GAS2: variants seen among roughly 807,000 people sequenced by gnomAD.
GAS2 encodes the protein growth arrest specific 2, also known as growth arrest-specific protein 2.
GAS2 carries 20 observed loss-of-function variants against 37.5 expected under a neutral mutation model. The observed-to-expected ratio is 0.53, with a 90% CI of 0.37 to 0.77. GAS2 has a LOEUF of 0.77. Among genes scored for constraint, GAS2 ranks in the 30% least tolerant of loss-of-function variants. The pLI is 0.00. For missense variants in GAS2, 336 were observed against 373.4 expected (o/e 0.90, Z 0.82); for synonymous variants, 144 against 132.2 (o/e 1.09, Z -0.61).
At chr11:22,777,991 C>A (rs1855350103) in intron 7 of GAS2, among the ~76,000 whole-genome samples, 1 of 152,038 alleles carries the variant, frequency 6.6e-6, no homozygotes, top group Admixed American at 6.5e-5. Flanking sequence ...AAATGATGAA[C>A]AATGTTAGTG....
At position 22,778,833 on chromosome 11, in the gene GAS2, A is replaced by G. The variant is rs924746260; in HGVS notation, c.723+22880A>G. Among the ~76,000 whole-genome samples, 6 of 152,322 alleles carry G rather than the reference A, an allele frequency of 3.9e-5. No individual in the cohort carries two copies. In the South Asian group the frequency reaches 1.0e-3, roughly 26 times the overall value. Reference sequence around the variant, plus strand: ...GTGTATGTGTGCATTTGTTCTGTGAAATGCATTAATATTTCTTTATGTAGG... The same window carrying G: ...GTGTATGTGTGCATTTGTTCTGTGAGATGCATTAATATTTCTTTATGTAGG... On this transcript the variant is annotated intron_variant, in intron 7 of 7. Transcript: ENST00000454584.
Position 22,698,448 on chromosome 11 carries a change from G to A in GAS2, c.267+12659G>A, listed in dbSNP as rs568366811. On this transcript the variant is annotated intron_variant, in intron 3 of 7. Coordinates refer to ENST00000454584, the MANE Select transcript of GAS2 (RefSeq NM_001143830.3). The stretch of plus-strand genomic sequence containing the variant: ...CGAATTCTACCAGAGGTACAAGGAG[G>A]AACTGGTACCTTTCCTTCTGAAACT... Among the ~76,000 whole-genome samples, 19 of 152,022 alleles carry A rather than the reference G, an allele frequency of 1.2e-4. No individual in the cohort carries two copies. The East Asian group carries it at 3.3e-3, about 26-fold the overall frequency.
At chr11:22,699,307 C>G (rs1027156405) in intron 3 of GAS2, among the ~76,000 whole-genome samples, 2 of 152,108 alleles carry the variant, frequency 1.3e-5, no homozygotes, top group African/African-American at 4.8e-5. Context: ...TTCAAATCTA[C>G]AAAGGGACCC....
intron 7 of GAS2, among the ~76,000 whole-genome samples, chr11:22,763,251 T>A (rs139160856): frequency 9.2e-4 from 140 of 152,292 alleles, no homozygotes; most frequent in African/African-American, 3.1e-3. Flanking sequence ...GGATTATGCC[T>A]GTGTGGTAAA....
chr11:22,636,465 T>C (rs1047251736), intron 1 of GAS2, among the ~76,000 whole-genome samples: 1 of 152,166 alleles, frequency 6.6e-6, no homozygotes, highest in Non-Finnish European at 1.5e-5. Flanking sequence ...CCACATTGCA[T>C]AACAGCCATG....
At chr11:22,640,843 C>T (rs1018089367) in intron 1 of GAS2, among the ~76,000 whole-genome samples, 6 of 152,098 alleles carry the variant, frequency 3.9e-5, no homozygotes, top group African/African-American at 1.4e-4. Flanking sequence ...AATTACTGCT[C>T]TAACACAGGC....
intron 3 of GAS2, among the ~76,000 whole-genome samples, chr11:22,701,364 T>C (rs1850831704): frequency 1.3e-5 from 2 of 152,230 alleles, no homozygotes; most frequent in Middle Eastern, 6.8e-3. Context: ...GATGATGTTA[T>C]TGGCTGTGGG....
intron 3 of GAS2, 55 bp from the exon 4 acceptor site, chr11:22,726,237 A>C (rs1055292715): frequency 6.5e-6 from 10 of 1,538,346 alleles, no homozygotes; most frequent in African/African-American, 1.4e-5. Flanking sequence ...TTTTTAAAAC[A>C]TCATTGTGCT....
intron 3 of GAS2, among the ~76,000 whole-genome samples, chr11:22,687,308 C>T (rs948020074): frequency 3.0e-4 from 46 of 152,126 alleles, no homozygotes; most frequent in African/African-American, 9.2e-4. Flanking sequence ...GCCTAGAAGA[C>T]GGAATGAGAC....
intron 1 of GAS2, among the ~76,000 whole-genome samples, chr11:22,655,168 T>C (rs1349537406): frequency 6.6e-6 from 1 of 152,174 alleles, no homozygotes; most frequent in Non-Finnish European, 1.5e-5. Flanking sequence ...GGGCTAGGGC[T>C]CAATCACTTA....
At chr11:22,755,768 GC>G in intron 6 of GAS2, 77 bp from the exon 7 acceptor site, 1 of 933,956 alleles carries the variant, frequency 1.1e-6, no homozygotes, top group South Asian at 1.4e-5. Context: ...GGGTTCAGGG[GC>G]CGTGGAGTCC....
At chr11:22,720,150 A>G (rs1370248899) in intron 3 of GAS2, among the ~76,000 whole-genome samples, 1 of 152,046 alleles carries the variant, frequency 6.6e-6, no homozygotes, top group Non-Finnish European at 1.5e-5. Context: ...TGCTCTGAGA[A>G]ACTTGTTTTA....
intron 3 of GAS2, among the ~76,000 whole-genome samples, chr11:22,688,955 G>A (rs1850102357): frequency 2.0e-5 from 3 of 152,152 alleles, no homozygotes; most frequent in African/African-American, 7.2e-5. Context: ...ATACCTTGCA[G>A]CCATAAGAAA....
chr11:22,714,863 A>G (rs1851586644), intron 3 of GAS2, among the ~76,000 whole-genome samples: 1 of 152,204 alleles, frequency 6.6e-6, no homozygotes, highest in African/African-American at 2.4e-5. Flanking sequence ...CAGCAAAAGC[A>G]GTGCTAAGAG....
rs1322824862 is a variant in GAS2, at chr11:22,647,755, C to T, written c.-21+21942C>T. Among the ~76,000 whole-genome samples, 6 of 152,188 alleles carry T rather than the reference C, an allele frequency of 3.9e-5. No individual in the cohort carries two copies. The East Asian group carries it at 7.7e-4, about 20-fold the overall frequency. On this transcript the variant is annotated intron_variant, in intron 1 of 5. Coordinates refer to the GAS2 transcript ENST00000528582. The stretch of plus-strand genomic sequence containing the variant: ...AGTGTCTGTTCATGTCCTTCGCCCA[C>T]TTTTTGATGGGGTTGTTTGTTTTTT...
At chr11:22,708,508 T>C (rs1031987335) in intron 3 of GAS2, among the ~76,000 whole-genome samples, 1 of 152,100 alleles carries the variant, frequency 6.6e-6, no homozygotes, top group African/African-American at 2.4e-5. Context: ...ACAGATGAAG[T>C]TAATATGCCT....
intron 2 of GAS2, among the ~76,000 whole-genome samples, chr11:22,677,580 C>T (rs989357702): frequency 2.6e-5 from 4 of 152,142 alleles, no homozygotes; most frequent in African/African-American, 9.7e-5. Context: ...TCATCAAGGG[C>T]ATTTTATTTA....
chr11:22,653,052 TG>T (rs71445431), intron 1 of GAS2, among the ~76,000 whole-genome samples: 11 of 22,532 alleles, frequency 4.9e-4, no homozygotes, highest in African/African-American at 7.8e-4. Context: ...TTTCTTTCTT[TG>T]CTTTCTTTCT....
At chr11:22,802,429 C>A in intron 7 of GAS2, among the ~76,000 whole-genome samples, 1 of 150,720 alleles carries the variant, frequency 6.6e-6, no homozygotes, top group South Asian at 2.1e-4. Context: ...GCAGGTTGTG[C>A]ACATGTACCC....
Sources: gnomAD v4.1 joint callset for allele counts (sites outside exome capture counted in the v4.1 genomes callset) on GRCh38, gnomAD v4.1.1 for gene constraint, MANE v1.5 for transcripts, NCBI Gene and HGNC (gene_info 2026-07-23, HGNC 2026-07-21) for gene names.